The following TRHDE variants were observed in gnomAD, a reference collection of about 807,000 sequenced individuals.
The protein encoded by TRHDE is thyrotropin-releasing hormone-degrading ectoenzyme.
In TRHDE, 72 loss-of-function variants were observed where a neutral mutation model predicts 125.7. That is an observed-to-expected ratio of 0.57 (90% CI 0.47 to 0.70). The LOEUF is 0.70. Among genes scored for constraint, TRHDE ranks in the 30% least tolerant of loss-of-function variants. The pLI, the probability that TRHDE is intolerant of heterozygous loss-of-function variation, is 0.00. For missense variants in TRHDE, 1,110 were observed against 1,327.1 expected, an observed-to-expected ratio of 0.84 and a Z score of 2.54; for synonymous variants, 509 against 509.1, an observed-to-expected ratio of 1.00 and a Z score of 0.00.
chr12:72,141,823 G>C (rs2139314739), intron 2 of TRHDE, among the ~76,000 whole-genome samples: 1 of 152,276 alleles, frequency 6.6e-6, no homozygotes, highest in East Asian at 1.9e-4. Flanking sequence ...AGGTAGTTAG[G>C]CTTGCCTGGG....
chr12:72,646,204 A>C (rs1874273173), intron 15 of TRHDE, among the ~76,000 whole-genome samples: 2 of 152,154 alleles, frequency 1.3e-5, no homozygotes, highest in African/African-American at 4.8e-5. Context: ...CAAATTGTGA[A>C]AACAATAACA....
intron 5 of TRHDE, among the ~76,000 whole-genome samples, chr12:72,486,287 A>C (rs1877403843): frequency 6.6e-6 from 1 of 152,100 alleles, no homozygotes; most frequent in Non-Finnish European, 1.5e-5. Context: ...CAGGTGCTAT[A>C]ATAGTTAGTT....
intron 2 of TRHDE, among the ~76,000 whole-genome samples, chr12:72,169,293 G>C (rs896904816): frequency 2.6e-5 from 4 of 152,066 alleles, no homozygotes; most frequent in African/African-American, 7.2e-5. Flanking sequence ...ATTCTCTTAG[G>C]GGGTATGCAT....
At chr12:72,355,166 C>T (rs900624188) in intron 2 of TRHDE, among the ~76,000 whole-genome samples, 2 of 151,300 alleles carry the variant, frequency 1.3e-5, no homozygotes, top group African/African-American at 2.4e-5. Context: ...GCCAAGTATT[C>T]GTTATGAAAA....
intron 3 of TRHDE, among the ~76,000 whole-genome samples, chr12:72,429,757 C>T (rs1874363012): frequency 6.6e-6 from 1 of 152,068 alleles, no homozygotes; most frequent in Non-Finnish European, 1.5e-5. Flanking sequence ...GTTTGATTGG[C>T]ATCCGATGGC....
chr12:72,214,253 A>C (rs1877841319), intron 2 of TRHDE, among the ~76,000 whole-genome samples: 1 of 152,174 alleles, frequency 6.6e-6, no homozygotes, highest in Non-Finnish European at 1.5e-5. Flanking sequence ...CACTTCGTAG[A>C]ATGTAAAATA....
intron 6 of TRHDE, among the ~76,000 whole-genome samples, chr12:72,534,527 G>A (rs1047893187): frequency 1.1e-4 from 17 of 152,164 alleles, no homozygotes; most frequent in African/African-American, 4.1e-4. Context: ...TTCTTGACAG[G>A]GGAGATTGAC....
At position 72,275,457 on chromosome 12, in the gene TRHDE, A is replaced by G. The variant is rs370014010; in HGVS notation, c.914+1900A>G. The stretch of plus-strand genomic sequence containing the variant: ...ACCCCCTTCTACCACTTCCTCCAAC[A>G]TGTTCTAAAGAATACAGATTAAAAA... On this transcript the variant is annotated intron_variant, in intron 1 of 18. Coordinates refer to ENST00000261180, the MANE Select transcript of TRHDE (RefSeq NM_013381.3). Among the ~76,000 whole-genome samples, 11 of 152,304 alleles carry G rather than the reference A, an allele frequency of 7.2e-5. No homozygotes were observed. In the East Asian group the frequency reaches 7.7e-4, roughly 11 times the overall value.
intron 1 of TRHDE, among the ~76,000 whole-genome samples, chr12:72,281,020 A>T (rs897203176): frequency 6.6e-6 from 1 of 152,216 alleles, no homozygotes; most frequent in East Asian, 1.9e-4. Context: ...ATGATGATCA[A>T]GTACGCAGTA....
intron 2 of TRHDE, chr12:72,140,176 G>A (rs539477498): frequency 6.6e-6 from 1 of 152,222 alleles, no homozygotes; most frequent in South Asian, 2.1e-4. Context: ...TTTAAAGTCT[G>A]ACAAGAAACA....
chr12:72,272,610 C>T lies in TRHDE; in HGVS notation c.-34C>T, dbSNP rs1268907609. On this transcript the variant is annotated 5_prime_UTR_variant, in exon 1 of 19. Transcript: ENST00000261180. The surrounding 1 kb of genome is among the most constrained non-coding windows in gnomAD (Gnocchi z 6.7). ...CGGGTGGCCCGCCCGCGGGGGGTGC[C>T]AGAGGGGGCGGGGGAGGAGGAGGAG... 5.8e-6 allele frequency: 5 copies of T among 864,070 alleles called. No individual in the cohort carries two copies. The highest frequency in any genetic ancestry group is 8.5e-6 in the Non-Finnish European group (5 of 591,664). The allele number at this position is 864,070 out of a possible 1,614,324, so 53.5% of individuals were successfully genotyped here.
At chr12:72,260,355 C>CT (rs34245268) in intron 2 of TRHDE, among the ~76,000 whole-genome samples, 63,996 of 151,504 alleles carry the variant, frequency 0.42, 15,921 homozygotes, top group African/African-American at 0.71. Flanking sequence ...AAAAATGATA[C>CT]TTTTTTTTGG....
chr12:72,605,094 A>G (rs1263931713), intron 12 of TRHDE, among the ~76,000 whole-genome samples: 1 of 152,066 alleles, frequency 6.6e-6, no homozygotes, highest in Non-Finnish European at 1.5e-5. Context: ...TAAAATTGAG[A>G]AATTTGATAA....
intron 4 of TRHDE, among the ~76,000 whole-genome samples, chr12:72,471,002 A>G (rs1592469735): frequency 6.8e-6 from 1 of 147,142 alleles, no homozygotes; most frequent in East Asian, 2.0e-4. Flanking sequence ...TCAGCTTCCC[A>G]AGTATCTGGG....
In TRHDE at chr12:72,568,664, A is replaced by C. The variant is rs764374137; in HGVS notation, c.2131+8A>C. ...GGGTGTCTAACAAATCAGGTAAACT[A>C]TATATTCTCCCCTGAGGAAGTATCT... is the stretch of plus-strand genomic sequence containing the variant. On this transcript the variant is annotated splice_region_variant and intron_variant, in intron 10 of 18. Coordinates refer to ENST00000261180, the MANE Select transcript of TRHDE (RefSeq NM_013381.3). 24 of 1,584,716 alleles carry C rather than the reference A, an allele frequency of 1.5e-5. No individual in the cohort carries two copies. The highest frequency in any genetic ancestry group is 2.0e-5 in the Non-Finnish European group (23 of 1,154,746).
chr12:72,256,575 C>T (rs1406480388), intron 2 of TRHDE: 1 of 152,182 alleles, frequency 6.6e-6, no homozygotes, highest in Non-Finnish European at 1.5e-5. Context: ...GTTTTGTTCA[C>T]TATGCCAAGA....
intron 2 of TRHDE, among the ~76,000 whole-genome samples, chr12:72,184,507 G>T (rs1054983887): frequency 1.3e-5 from 2 of 152,068 alleles, no homozygotes; most frequent in Non-Finnish European, 2.9e-5. Flanking sequence ...AAGAGATGAA[G>T]GTTTTAACTC....
At chr12:72,115,094 A>G (rs1387609577) in intron 2 of TRHDE, among the ~76,000 whole-genome samples, 1 of 152,050 alleles carries the variant, frequency 6.6e-6, no homozygotes, top group Non-Finnish European at 1.5e-5. Flanking sequence ...CAAACAATCC[A>G]GTTATACTCT....
chr12:72,450,700 T>A (rs542242945), intron 3 of TRHDE, among the ~76,000 whole-genome samples: 7 of 152,258 alleles, frequency 4.6e-5, no homozygotes, highest in Non-Finnish European at 1.0e-4. Context: ...TATTTTTAAT[T>A]TATTTAGGAA....
Sources: gnomAD v4.1 joint callset for allele counts (sites outside exome capture counted in the v4.1 genomes callset) on GRCh38, gnomAD v4.1.1 for gene constraint, Gnocchi (gnomAD v3.1) non-coding constraint, MANE v1.5 for transcripts, NCBI Gene and HGNC (gene_info 2026-07-23, HGNC 2026-07-21) for gene names.